Variants in AKT1 observed in about 807,000 individuals in gnomAD.
AKT1 encodes AKT serine/threonine kinase 1.
A neutral mutation model predicts 63.1 loss-of-function variants in AKT1; 21 were observed. The ratio of observed to expected loss-of-function variants is 0.33; its 90% CI spans 0.24 to 0.48. AKT1 has a LOEUF of 0.48. Ranked by LOEUF, AKT1 falls within the 20% of genes least tolerant of loss-of-function variation. AKT1 has a pLI of 0.99. For synonymous variants in AKT1, 257 were observed against 253.1 expected, an observed-to-expected ratio of 1.02 and a Z score of -0.15; for missense variants, 382 against 666.0, an observed-to-expected ratio of 0.57 and a Z score of 4.69.
chr14:104,783,083 G>A (rs1893147282), intron 3 of AKT1, among the ~76,000 whole-genome samples: 1 of 152,118 alleles, frequency 6.6e-6, no homozygotes, highest in Non-Finnish European at 1.5e-5. Flanking sequence ...CTGTCCTCAT[G>A]GCCACAGGAC....
chr14:104,780,821 C>T (rs1290781295), intron 3 of AKT1, among the ~76,000 whole-genome samples: 1 of 152,226 alleles, frequency 6.6e-6, no homozygotes, highest in African/African-American at 2.4e-5. Flanking sequence ...GGACTGCCCA[C>T]TGCCGTGGGA....
chr14:104,774,250 A>ACCACACTGCCTCATGCCACG (rs1292338704), intron 8 of AKT1: 3 of 511,732 alleles, frequency 5.9e-6, no homozygotes, highest in African/African-American at 5.8e-5. Context: ...ACTGCCCCAC[A>ACCACACTGCCTCATGCCACG]CCACACTGCC....
chr14:104,789,358 C>A (rs556931909), intron 3 of AKT1, among the ~76,000 whole-genome samples: 2 of 152,324 alleles, frequency 1.3e-5, no homozygotes, highest in South Asian at 4.1e-4. Context: ...CGGGGCTGCA[C>A]CAGGGCAGCT....
intron 8 of AKT1, 34 bp downstream of exon 8, chr14:104,774,904 C>G: frequency 6.3e-7 from 1 of 1,597,864 alleles, no homozygotes; most frequent in Non-Finnish European, 8.5e-7. Flanking sequence ...CTACCTGGCC[C>G]CAGCCCTTCA....
intron 13 of AKT1, 194 bp from the exon 14 acceptor site, chr14:104,771,041 A>G: frequency 3.4e-6 from 2 of 591,628 alleles, no homozygotes; most frequent in Non-Finnish European, 6.0e-6. Context: ...GTGCAGGAGC[A>G]CGGAGACAAC....
rs956890804 is a variant in AKT1, at chr14:104,777,828, C to T, written c.176-1058G>A. On this transcript the variant is annotated intron_variant, in intron 4 of 14. Coordinates refer to ENST00000649815, the MANE Select transcript of AKT1 (RefSeq NM_001382430.1). ...CAGGCCTGGGGGCCAGGAGGGGGCT[C>T]GGGACCAGCCTGGTGGGGAGGGTGG... 2.5e-5 allele frequency: 13 copies of T among 528,100 alleles called. No homozygotes were observed. The South Asian group carries it at 3.3e-4, about 13-fold the overall frequency. 32.7% of individuals were successfully genotyped at this position (528,100 alleles called of 1,614,324 possible).
chr14:104,772,845 G>A (rs748278837), intron 12 of AKT1, 33 bp downstream of exon 12: 7 of 1,584,936 alleles, frequency 4.4e-6, no homozygotes, highest in Admixed American at 1.7e-5. Flanking sequence ...GGGGATGGAG[G>A]TGTAGCCTGT....
chr14:104,777,414 A>T, intron 4 of AKT1: 1 of 460,296 alleles, frequency 2.2e-6, no homozygotes, highest in Non-Finnish European at 2.9e-6. Flanking sequence ...CACCTGGGGC[A>T]CACGCACACC....
chr14:104,774,381 G>A, intron 8 of AKT1: 1 of 280,910 alleles, frequency 3.6e-6, no homozygotes. Flanking sequence ...CTCAGCAGGG[G>A]ACAGTGCTCC....
intron 3 of AKT1, among the ~76,000 whole-genome samples, chr14:104,787,082 A>G (rs1043787268): frequency 1.3e-4 from 20 of 152,036 alleles, no homozygotes; most frequent in African/African-American, 2.7e-4. Context: ...GCCCAAACAC[A>G]GCGCCCCAAG....
At chr14:104,775,368 T>G (rs1733672369) in intron 6 of AKT1, 161 bp from the exon 7 acceptor site, 1 of 1,332,892 alleles carries the variant, frequency 7.5e-7, no homozygotes, top group Non-Finnish European at 1.0e-6. Flanking sequence ...AGTCCAGGCT[T>G]ACAGGGAACA....
Position 104,769,515 on chromosome 14 carries a change from G to C in AKT1, c.*826C>G, listed in dbSNP as rs1232012323. 6 of 532,430 alleles carry C rather than the reference G, an allele frequency of 1.1e-5. No homozygotes were observed. The highest frequency in any genetic ancestry group is 1.1e-4 in the African/African-American group (6 of 53,618). The allele number at this position is 532,430 out of a possible 1,614,324, so 33.0% of individuals were successfully genotyped here. On this transcript the variant is annotated 3_prime_UTR_variant, in exon 15 of 15. Coordinates refer to ENST00000649815, the MANE Select transcript of AKT1 (RefSeq NM_001382430.1). Reference sequence around the variant, plus strand: ...GCCCAGGGATGGCCACCCCCACAGGGAGTCAGGGAGGGCCTGGGGCGACAG... The same window carrying C: ...GCCCAGGGATGGCCACCCCCACAGGCAGTCAGGGAGGGCCTGGGGCGACAG...
At chr14:104,790,195 C>T (rs1320024624) in intron 3 of AKT1, among the ~76,000 whole-genome samples, 3 of 152,226 alleles carry the variant, frequency 2.0e-5, no homozygotes, top group African/African-American at 7.2e-5. Flanking sequence ...GTGCCCCAGG[C>T]CACGGTCGTG....
In AKT1 at chr14:104,790,589, T is replaced by C. The variant is rs772389757; in HGVS notation, c.46+2009A>G. 2.5e-4 allele frequency among the ~76,000 whole-genome samples: 38 copies of C among 152,196 alleles called. 1 individual carries two copies. The highest frequency in any genetic ancestry group is 1.4e-3 in the Admixed American group (22 of 15,280). On this transcript the variant is annotated intron_variant, in intron 3 of 14. Transcript: ENST00000649815. ...TTCCTCCGCAAGGAGCGGCCGGCCA[T>C]GCGGGTGGACGCCACCTGCTCTCGG...
At chr14:104,784,817 G>C (rs1893251039) in intron 3 of AKT1, among the ~76,000 whole-genome samples, 1 of 152,206 alleles carries the variant, frequency 6.6e-6, no homozygotes, top group Admixed American at 6.5e-5. Context: ...GGCAGGACTG[G>C]GTGGGCCCCT....
intron 14 of AKT1, 149 bp from the exon 15 acceptor site, chr14:104,770,569 C>G: frequency 1.0e-6 from 1 of 956,506 alleles, no homozygotes; most frequent in Non-Finnish European, 1.5e-6. Flanking sequence ...CAGATTGACA[C>G]AGGGACCTGG....
intron 12 of AKT1, 113 bp from the exon 13 acceptor site, chr14:104,772,565 G>A: frequency 9.3e-7 from 1 of 1,076,288 alleles, no homozygotes; most frequent in Non-Finnish European, 1.4e-6. Context: ...TCCGGGGCCA[G>A]GGAGGGGAGC....
intron 1 of AKT1, chr14:104,794,078 G>A (rs1019581398): frequency 5.9e-5 from 9 of 152,352 alleles, no homozygotes; most frequent in African/African-American, 2.2e-4. Context: ...AAGGCCCACT[G>A]CCTTGTGTCT....
intron 3 of AKT1, among the ~76,000 whole-genome samples, chr14:104,792,301 TG>T (rs1225458691): frequency 6.6e-6 from 1 of 152,160 alleles, no homozygotes; most frequent in African/African-American, 2.4e-5. Flanking sequence ...GTGTCCTCGC[TG>T]CCTTCCAGGA....
Sources: allele counts gnomAD v4.1 joint callset (sites outside exome capture counted in the v4.1 genomes callset), GRCh38; gene constraint gnomAD v4.1.1; transcripts MANE v1.5; gene names NCBI Gene and HGNC (gene_info 2026-07-23, HGNC 2026-07-21).